AKAP3: variants seen among roughly 807,000 people sequenced by gnomAD.
AKAP3 encodes A-kinase anchoring protein 3, also known as A-kinase anchor protein 3.
In AKAP3, 27 loss-of-function variants were observed where a neutral mutation model predicts 57.2. That is an observed-to-expected ratio of 0.47 (90% CI 0.35 to 0.65). The LOEUF is 0.65. Ranked by LOEUF, AKAP3 falls within the 30% of genes least tolerant of loss-of-function variation. The probability of loss-of-function intolerance (pLI) is 0.01; values close to 1 mark genes in which losing one functional copy is unlikely to be tolerated. For synonymous variants in AKAP3, 334 were observed against 392.3 expected (o/e 0.85, Z 1.76); for missense variants, 959 against 1,040.0 (o/e 0.92, Z 1.07).
In AKAP3 at chr12:4,628,050, C is replaced by T. The variant is rs748606663; in HGVS notation, c.852G>A (p.Gly284=). ...CCACACTGTTAGCATAGGTCATGAT[C>T]CCTTCACTAACAGAAGCCGTAAAGT... ...PDDFTASVSE[G]IMTYANSVVS... Residue 284 remains glycine (G), a synonymous_variant, in exon 5 of 6, where the codon GGG becomes GGA. Transcript: ENST00000228850. The T allele has an allele frequency of 1.3e-5, 21 of 1,614,106 alleles. No individual in the cohort carries two copies. Among genetic ancestry groups the T allele is most frequent in the African/African-American group, 5.3e-5 (4 of 75,012 alleles).
chr12:4,622,577 T>C (rs11609763), intron 5 of AKAP3, among the ~76,000 whole-genome samples: 51,306 of 152,046 alleles, frequency 0.34, 9,101 homozygotes, highest in East Asian at 0.67. Context: ...GCTAGCCATA[T>C]ACAGAAGATT....
At chr12:4,629,958 T>C (rs1198356297) in intron 4 of AKAP3, among the ~76,000 whole-genome samples, 1 of 152,224 alleles carries the variant, frequency 6.6e-6, no homozygotes, top group African/African-American at 2.4e-5. Flanking sequence ...ACGCTAGCTG[T>C]GATAAGCATA....
intron 3 of AKAP3, among the ~76,000 whole-genome samples, chr12:4,638,437 G>T (rs1945593027): frequency 6.6e-6 from 1 of 152,120 alleles, no homozygotes; most frequent in African/African-American, 2.4e-5. Context: ...CCTGGTATCT[G>T]CGACAGGTGC....
intron 1 of AKAP3, among the ~76,000 whole-genome samples, chr12:4,646,745 C>G (rs939658155): frequency 6.6e-6 from 1 of 151,968 alleles, no homozygotes; most frequent in African/African-American, 2.4e-5. Context: ...ACAGAAAGTG[C>G]ACCTACTAGT....
At chr12:4,620,763 G>A (rs539969177) in intron 5 of AKAP3, among the ~76,000 whole-genome samples, 6 of 152,162 alleles carry the variant, frequency 3.9e-5, no homozygotes, top group Admixed American at 1.3e-4. Context: ...CAAACCTACC[G>A]TGCTGCCAGT....
chr12:4,629,659 T>C (rs1945473443), intron 4 of AKAP3, among the ~76,000 whole-genome samples: 2 of 152,216 alleles, frequency 1.3e-5, no homozygotes, highest in African/African-American at 4.8e-5. Flanking sequence ...CTGACAGTCA[T>C]CAGCTAGATA....
intron 4 of AKAP3, among the ~76,000 whole-genome samples, chr12:4,633,663 G>T (rs55798490): frequency 0.43 from 64,979 of 150,452 alleles, 16,029 homozygotes; most frequent in Admixed American, 0.55. Context: ...GAATCCTGGG[G>T]CAAGTTTTCA....
At chr12:4,619,313 C>T (rs1945319564) in intron 5 of AKAP3, among the ~76,000 whole-genome samples, 1 of 152,140 alleles carries the variant, frequency 6.6e-6, no homozygotes, top group Admixed American at 6.5e-5. Flanking sequence ...TTTCCTGGCA[C>T]TTTGGGAGGC....
chr12:4,627,553 C>T lies in AKAP3; in HGVS notation c.1349G>A (p.Gly450Asp), dbSNP rs1181259958. The change falls in exon 5 of 6, where the codon GGT becomes GAT. Residue 450 changes from glycine (G) to aspartate (D), a missense_variant. Transcript: ENST00000228850. ...SEEETCAKTL[G>D]EHIIKEGLTL... is the part of the protein sequence containing the mutation. ...AAGCCCCTCTTTGATAATGTGCTCACCCAGAGTTTTCGCACAAGTCTCCTC... is the reference window on the plus strand; with the variant it reads ...AAGCCCCTCTTTGATAATGTGCTCATCCAGAGTTTTCGCACAAGTCTCCTC... The T allele has an allele frequency of 6.2e-7, 1 of 1,614,130 alleles. No individual in the cohort carries two copies. The highest frequency in any genetic ancestry group is 1.6e-4 in the Middle Eastern group (1 of 6,062).
At chr12:4,620,135 A>G (rs1251096530) in intron 5 of AKAP3, among the ~76,000 whole-genome samples, 1 of 152,222 alleles carries the variant, frequency 6.6e-6, no homozygotes, top group Non-Finnish European at 1.5e-5. Flanking sequence ...TGCTATTGGT[A>G]CAAGAGTAGA....
chr12:4,617,184 C>T (rs1945295418), intron 5 of AKAP3, among the ~76,000 whole-genome samples: 2 of 152,126 alleles, frequency 1.3e-5, no homozygotes, highest in African/African-American at 2.4e-5. Context: ...CGTCTTTTAA[C>T]TGCTAAGAGA....
Position 4,636,583 on chromosome 12 carries a change from G to A in AKAP3, c.96+1518C>T, listed in dbSNP as rs539001635. The stretch of plus-strand genomic sequence containing the variant: ...GATCTAGTTGAAGCAGTTTTGGTTG[G>A]CCCTTACTCTATAGTAATTGAATAT... On this transcript the variant is annotated intron_variant, in intron 4 of 5. Transcript: ENST00000228850. Among the ~76,000 whole-genome samples the A allele has an allele frequency of 4.5e-4, 68 of 151,722 alleles. 1 individual carries two copies. Among genetic ancestry groups the A allele is most frequent in the Middle Eastern group, 6.8e-3 (2 of 294 alleles).
Position 4,615,908 on chromosome 12 carries a change from G to T in AKAP3, c.2407-14C>A, listed in dbSNP as rs778795378. ...GAGCTGAAGTAGCTGTGAAAGGAAA[G>T]AAAACACCAGTGGTGAGGCACAGCA... On this transcript the variant is annotated splice_polypyrimidine_tract_variant and intron_variant, in intron 5 of 5. Coordinates refer to ENST00000228850, the MANE Select transcript of AKAP3 (RefSeq NM_001278309.2). 6 of 1,614,104 alleles carry T rather than the reference G, an allele frequency of 3.7e-6. No homozygotes were observed. The South Asian group carries it at 6.6e-5, about 18-fold the overall frequency.
intron 5 of AKAP3, among the ~76,000 whole-genome samples, chr12:4,622,460 A>C (rs1295930969): frequency 6.6e-6 from 1 of 152,092 alleles, no homozygotes; most frequent in Non-Finnish European, 1.5e-5. Flanking sequence ...CAGAATAGAG[A>C]GCCCAAAAAT....
At chr12:4,633,207 T>A (rs1945520879) in intron 4 of AKAP3, among the ~76,000 whole-genome samples, 1 of 151,810 alleles carries the variant, frequency 6.6e-6, no homozygotes, top group Non-Finnish European at 1.5e-5. Context: ...AGATCTCACT[T>A]GAGCTCAGGA....
Position 4,627,002 on chromosome 12 carries a change from C to A in AKAP3, c.1900G>T (p.Ala634Ser). Reference protein sequence around the residue: ...EDRKLCERPLASSPPRLYEDD... With the variant: ...EDRKLCERPLSSSPPRLYEDD... The stretch of plus-strand genomic sequence containing the variant: ...TCATATAGCCTGGGGGGAGAAGACG[C>A]CAACGGTCTTTCACACAACTTCCTA... Residue 634 changes from alanine to serine, a missense_variant, in exon 5 of 6, where the codon GCG (alanine) becomes TCG (serine). By Grantham distance (99) the Ala-to-Ser change is moderately conservative. Coordinates refer to ENST00000228850, the MANE Select transcript of AKAP3 (RefSeq NM_001278309.2). 1 of 1,614,078 alleles carries A rather than the reference C, an allele frequency of 6.2e-7. No individual in the cohort carries two copies. The highest frequency in any genetic ancestry group is 8.5e-7 in the Non-Finnish European group (1 of 1,179,988).
Position 4,615,651 on chromosome 12 carries a change from T to G in AKAP3, c.*88A>C. 1 of 1,471,068 alleles carries G rather than the reference T, an allele frequency of 6.8e-7. No homozygotes were observed. The highest frequency in any genetic ancestry group is 1.9e-5 in the Admixed American group (1 of 52,836). The allele number at this position is 1,471,068 out of a possible 1,614,324, so 91.1% of individuals were successfully genotyped here. A position where few individuals can be genotyped will look rare whatever the true frequency, so the allele number is the denominator to read the frequency against. ...ATAATGTTAGGGCTCTGTGAGGATA[T>G]AGAGGGGGAGATGTGGAAGTGAGAA... On this transcript the variant is annotated 3_prime_UTR_variant, in exon 6 of 6. Transcript: ENST00000228850.
intron 2 of AKAP3, among the ~76,000 whole-genome samples, chr12:4,643,065 C>T (rs1945656456): frequency 6.6e-6 from 1 of 152,220 alleles, no homozygotes; most frequent in African/African-American, 2.4e-5. Context: ...TCCTATTCCA[C>T]TAGTACAAAT....
chr12:4,638,515 C>T (rs1307360546), intron 3 of AKAP3, among the ~76,000 whole-genome samples: 3 of 152,142 alleles, frequency 2.0e-5, no homozygotes, highest in South Asian at 2.1e-4. Context: ...CCTTGCTTGA[C>T]GACCCTCCCC....
Sources: gnomAD v4.1 joint callset for allele counts (sites outside exome capture counted in the v4.1 genomes callset) on GRCh38, gnomAD v4.1.1 for gene constraint, MANE v1.5 for transcripts, NCBI Gene and HGNC (gene_info 2026-07-23, HGNC 2026-07-21) for gene names.